The following TECTA variants were observed in gnomAD, a reference collection of about 807,000 sequenced individuals.
TECTA encodes the protein alpha-tectorin.
A neutral mutation model predicts 216.8 loss-of-function variants in TECTA; 128 were observed. The observed-to-expected ratio is 0.59, with a 90% confidence interval of 0.51 to 0.68. The LOEUF (loss-of-function observed/expected upper bound fraction) is 0.68. Among genes scored for constraint, TECTA ranks in the 30% least tolerant of loss-of-function variants. TECTA has a pLI of 0.00. For synonymous variants in TECTA, 1,089 were observed against 1,117.1 expected, an observed-to-expected ratio of 0.97 and a Z score of 0.50; for missense variants, 2,551 against 2,786.2, an observed-to-expected ratio of 0.92 and a Z score of 1.90.
At chr11:121,166,023 C>T (rs1272843269) in intron 17 of TECTA, among the ~76,000 whole-genome samples, 1 of 152,220 alleles carries the variant, frequency 6.6e-6, no homozygotes, top group Non-Finnish European at 1.5e-5. Context: ...AAGGGCTTCA[C>T]CTAAACAGAT....
At chr11:121,168,024 A>T in intron 18 of TECTA, 30 bp from the exon 19 acceptor site, 1 of 1,614,026 alleles carries the variant, frequency 6.2e-7, no homozygotes, top group Non-Finnish European at 8.5e-7. Flanking sequence ...TCCCAGATGT[A>T]ACGATTTCTG....
intron 1 of TECTA, among the ~76,000 whole-genome samples, chr11:121,101,845 G>A (rs1047957410): frequency 2.0e-5 from 3 of 152,176 alleles, no homozygotes; most frequent in African/African-American, 7.2e-5. Flanking sequence ...TGTTCTCATC[G>A]CAGCTTTGCA....
intron 11 of TECTA, among the ~76,000 whole-genome samples, chr11:121,145,039 C>G (rs1946821187): frequency 6.6e-6 from 1 of 152,086 alleles, no homozygotes; most frequent in South Asian, 2.1e-4. Flanking sequence ...GAAGAGGTGA[C>G]ATTGGAGCAG....
At chr11:121,141,898 T>G (rs1946788114) in intron 11 of TECTA, among the ~76,000 whole-genome samples, 1 of 152,166 alleles carries the variant, frequency 6.6e-6, no homozygotes, top group East Asian at 1.9e-4. Flanking sequence ...CCATGTAACA[T>G]GAAGTGCTGC....
intron 20 of TECTA, among the ~76,000 whole-genome samples, chr11:121,176,656 G>T (rs561854064): frequency 6.7e-6 from 1 of 148,734 alleles, no homozygotes; most frequent in East Asian, 1.9e-4. Context: ...ATGTGTCTTG[G>T]AGTTGCTCTT....
intron 13 of TECTA, among the ~76,000 whole-genome samples, chr11:121,155,676 G>C (rs959875861): frequency 2.0e-5 from 3 of 152,146 alleles, no homozygotes; most frequent in African/African-American, 7.2e-5. Context: ...AGGCCTTTTT[G>C]TGCTATTGAA....
chr11:121,148,067 C>T (rs1946856740), intron 12 of TECTA, among the ~76,000 whole-genome samples: 1 of 152,176 alleles, frequency 6.6e-6, no homozygotes, highest in African/African-American at 2.4e-5. Flanking sequence ...CTACCAGGAA[C>T]CCTTTCCTCT....
intron 10 of TECTA, among the ~76,000 whole-genome samples, chr11:121,135,090 G>A (rs1263604713): frequency 6.6e-6 from 1 of 152,174 alleles, no homozygotes; most frequent in Non-Finnish European, 1.5e-5. Flanking sequence ...CTGGCGAGTA[G>A]CACTGGATAG....
At chr11:121,177,203 T>A (rs1236227698) in intron 20 of TECTA, among the ~76,000 whole-genome samples, 1 of 152,256 alleles carries the variant, frequency 6.6e-6, no homozygotes, top group Non-Finnish European at 1.5e-5. Context: ...TCCAGCTTTG[T>A]TCCGTTGCTG....
Position 121,109,495 on chromosome 11 carries a change from A to G in TECTA, c.483A>G (p.Thr161=). Residue 161 remains threonine (T), a synonymous_variant, in exon 4 of 24, where the codon ACA becomes ACG. Transcript: ENST00000392793. The stretch of plus-strand genomic sequence containing the variant: ...CGTTTTATGGAGGCAGCAGCACCAC[A>G]CCTGTAATAATTCAAATTTTCTGCT... ...EVTFYGGSST[T]PVNTFQAVLV... is the part of the protein sequence containing the mutation. 2 of 1,614,126 alleles carry G rather than the reference A, an allele frequency of 1.2e-6. No homozygotes were observed. Among genetic ancestry groups the G allele is most frequent in the Non-Finnish European group, 1.7e-6 (2 of 1,180,002 alleles).
At position 121,122,672 on chromosome 11, in the gene TECTA, C is replaced by CAAAAAAAAAAA. The variant is rs33994765; in HGVS notation, c.1204-2619_1204-2609dup. ...GCAGCATGGCAAAAGCCTGTCTCTCCAAAAAAAAAAAAAAAAAAAAAGAAA... is the reference window on the plus strand; with the variant it reads ...GCAGCATGGCAAAAGCCTGTCTCTCCAAAAAAAAAAAAAAAAAAAAAAAAAAAAAAAAGAAA... On this transcript the variant is annotated intron_variant, in intron 7 of 23. Coordinates refer to ENST00000392793, the MANE Select transcript of TECTA (RefSeq NM_005422.4). Among the ~76,000 whole-genome samples, 5 of 48,930 alleles carry CAAAAAAAAAAA rather than the reference C, an allele frequency of 1.0e-4. 1 individual carries two copies. The highest frequency in any genetic ancestry group is 3.1e-4 in the African/African-American group (3 of 9,822). The allele number at this position is 48,930 out of a possible 152,430, so 32.1% of individuals were successfully genotyped here.
At chr11:121,137,336 A>C in intron 10 of TECTA, 85 bp from the exon 11 acceptor site, 1 of 1,554,932 alleles carries the variant, frequency 6.4e-7, no homozygotes. Flanking sequence ...ACACACATGC[A>C]CTCATACACA....
chr11:121,182,083 C>A (rs1947235269), intron 20 of TECTA, among the ~76,000 whole-genome samples: 1 of 152,140 alleles, frequency 6.6e-6, no homozygotes, highest in South Asian at 2.1e-4. Flanking sequence ...GACAGGGATG[C>A]CAGATGGGCC....
chr11:121,139,929 A>G (rs1591450431), intron 11 of TECTA, among the ~76,000 whole-genome samples: 1 of 152,230 alleles, frequency 6.6e-6, no homozygotes, highest in East Asian at 1.9e-4. Context: ...AAACAAATAT[A>G]TCGATCGTTT....
rs1319461872 is a variant in TECTA at position 121,125,451 on chromosome 11, C to T, written c.1353C>T (p.Gly451=). The T allele has an allele frequency of 1.2e-6, 2 of 1,614,106 alleles. No homozygotes were observed. The highest frequency in any genetic ancestry group is 1.7e-6 in the Non-Finnish European group (2 of 1,180,054). Residue 451 remains glycine (G), a synonymous_variant, in exon 8 of 24, where the codon GGC becomes GGT. Coordinates refer to ENST00000392793, the MANE Select transcript of TECTA (RefSeq NM_005422.4). ...ACTACGCCTCCATTTCCGTCCCAGG[C>T]TCCTATATAAACTCCACCTGTGGAC... is the stretch of plus-strand genomic sequence containing the variant. ...GQHYASISVP[G]SYINSTCGLC...
In TECTA at chr11:121,190,222, C is replaced by T. The variant is rs1358911760; in HGVS notation, c.6367+342C>T. ...GGATTGGGATGCTTCCTCCAGCAAA[C>T]AAGCCTTAGCATATGGTTTCCCTGA... is the stretch of plus-strand genomic sequence containing the variant. On this transcript the variant is annotated intron_variant, in intron 23 of 23. Coordinates refer to ENST00000392793, the MANE Select transcript of TECTA (RefSeq NM_005422.4). 2.1e-5 allele frequency: 8 copies of T among 372,384 alleles called. No homozygotes were observed. The East Asian group carries it at 5.3e-4, about 25-fold the overall frequency. 23.1% of individuals were successfully genotyped at this position (372,384 alleles called of 1,614,324 possible).
At chr11:121,117,526 T>C (rs960736387) in intron 6 of TECTA, among the ~76,000 whole-genome samples, 9 of 152,206 alleles carry the variant, frequency 5.9e-5, no homozygotes, top group Non-Finnish European at 1.3e-4. Flanking sequence ...AAAGAAATAA[T>C]AGTGTTTTTA....
chr11:121,160,708 C>T (rs539501817), intron 15 of TECTA, among the ~76,000 whole-genome samples: 1 of 152,252 alleles, frequency 6.6e-6, no homozygotes, highest in South Asian at 2.1e-4. Flanking sequence ...ACTCTGAGGC[C>T]TTGACCAGCT....
intron 12 of TECTA, among the ~76,000 whole-genome samples, chr11:121,146,448 A>G (rs2135107405): frequency 6.6e-6 from 1 of 152,304 alleles, no homozygotes; most frequent in African/African-American, 2.4e-5. Context: ...TGAAAGAAGG[A>G]TTAGTTACTA....
Sources: gnomAD v4.1 joint callset for allele counts (sites outside exome capture counted in the v4.1 genomes callset) on GRCh38, gnomAD v4.1.1 for gene constraint, MANE v1.5 for transcripts, NCBI Gene and HGNC (gene_info 2026-07-23, HGNC 2026-07-21) for gene names.